Variants in FBXW8 observed in about 807,000 individuals in gnomAD.
FBXW8 encodes the protein F-box and WD repeat domain containing 8.
FBXW8 carries 57 observed loss-of-function variants against 65.3 expected under a neutral mutation model. The observed-to-expected ratio is 0.87, with a 90% CI of 0.71 to 1.09. The LOEUF is 1.09. Ranked by LOEUF, FBXW8 falls within the 50% of genes least tolerant of loss-of-function variation. The pLI, the probability that FBXW8 is intolerant of heterozygous loss-of-function variation, is 0.00. For missense variants in FBXW8, 777 were observed against 814.8 expected (o/e 0.95, Z 0.57); for synonymous variants, 308 against 330.2 (o/e 0.93, Z 0.73).
chr12:116,964,957 G>A (rs913256400), intron 5 of FBXW8, 103 bp downstream of exon 5: 7 of 1,178,014 alleles, frequency 5.9e-6, no homozygotes, highest in South Asian at 1.6e-5. Flanking sequence ...ATATGTACAC[G>A]TGGGCACACA....
chr12:116,938,612 T>G lies in FBXW8; in HGVS notation c.424-6752T>G, dbSNP rs74987119. Among the ~76,000 whole-genome samples, 678 of 152,332 alleles carry G rather than the reference T, an allele frequency of 4.5e-3. 6 individuals are homozygous for G. The highest frequency in any genetic ancestry group is 0.015 in the African/African-American group (638 of 41,578). ...CGACATATTTGAGACTTCCTGAAAGTCCCATTGAAAAGTTTCCATTTTAAA... is the reference window on the plus strand; with the variant it reads ...CGACATATTTGAGACTTCCTGAAAGGCCCATTGAAAAGTTTCCATTTTAAA... On this transcript the variant is annotated intron_variant, in intron 2 of 10. Transcript: ENST00000652555.
intron 5 of FBXW8, among the ~76,000 whole-genome samples, chr12:116,973,651 C>T (rs1884761647): frequency 6.6e-6 from 1 of 152,156 alleles, no homozygotes; most frequent in South Asian, 2.1e-4. Context: ...CTGGCCTGTC[C>T]TCTTCAGCAC....
intron 1 of FBXW8, among the ~76,000 whole-genome samples, chr12:116,926,150 G>C (rs1565899700): frequency 6.6e-6 from 1 of 152,186 alleles, no homozygotes; most frequent in Non-Finnish European, 1.5e-5. Flanking sequence ...TGCCTCATCA[G>C]AATAGCATCA....
intron 1 of FBXW8, among the ~76,000 whole-genome samples, chr12:116,918,986 A>G (rs1408916053): frequency 6.6e-6 from 1 of 152,166 alleles, no homozygotes; most frequent in Non-Finnish European, 1.5e-5. Context: ...CTATATACAC[A>G]GAGCAATGAT....
At chr12:116,931,958 T>G (rs899233017) in intron 2 of FBXW8, among the ~76,000 whole-genome samples, 1 of 152,204 alleles carries the variant, frequency 6.6e-6, no homozygotes, top group Non-Finnish European at 1.5e-5. Context: ...TTTTACTAAG[T>G]ATGACTTTAG....
At chr12:116,983,775 C>T (rs746106260) in intron 5 of FBXW8, among the ~76,000 whole-genome samples, 6 of 152,216 alleles carry the variant, frequency 3.9e-5, no homozygotes, top group Non-Finnish European at 8.8e-5. Flanking sequence ...TTTTATAACA[C>T]AGCAGGAACT....
rs1954313441 is a variant in FBXW8, at chr12:117,029,602, CCAGAAGGTTTTGTTTTTTTT to C, written c.*1434_*1453del. On this transcript the variant is annotated 3_prime_UTR_variant, in exon 11 of 11. Coordinates refer to ENST00000652555, the MANE Select transcript of FBXW8 (RefSeq NM_153348.3). ...AAACCAATAGTTAGTTAATATAAAGCCAGAAGGTTTTGTTTTTTTTCAGGTGGGGTCTCGCTCTGTCACCT... is the reference window on the plus strand; with the variant it reads ...AAACCAATAGTTAGTTAATATAAAGCCAGGTGGGGTCTCGCTCTGTCACCT... The C allele has an allele frequency of 6.6e-6, 1 of 151,974 alleles. No homozygotes were observed. The highest frequency in any genetic ancestry group is 6.6e-5 in the Admixed American group (1 of 15,256). 9.4% of individuals were successfully genotyped at this position (151,974 alleles called of 1,614,324 possible). A position where few individuals can be genotyped will look rare whatever the true frequency, so the allele number is the denominator to read the frequency against.
At chr12:117,024,090 T>C (rs1328068354) in intron 8 of FBXW8, 57 bp from the exon 9 acceptor site, 1 of 1,574,916 alleles carries the variant, frequency 6.3e-7, no homozygotes, top group Non-Finnish European at 8.6e-7. Flanking sequence ...GAGTTTGTCA[T>C]TTGAAGCTTT....
At chr12:116,940,955 G>A (rs1383399116) in intron 2 of FBXW8, among the ~76,000 whole-genome samples, 1 of 152,198 alleles carries the variant, frequency 6.6e-6, no homozygotes, top group African/African-American at 2.4e-5. Context: ...ATAGTGGAAG[G>A]AAATGGATAA....
At chr12:116,938,175 T>G (rs1882294296) in intron 2 of FBXW8, among the ~76,000 whole-genome samples, 1 of 152,210 alleles carries the variant, frequency 6.6e-6, no homozygotes, top group Non-Finnish European at 1.5e-5. Flanking sequence ...AAGTCATTTT[T>G]AAAACCTGTC....
At position 117,028,308 on chromosome 12, in the gene FBXW8, G is replaced by A. The variant is rs1015033261; in HGVS notation, c.*136G>A. ...CCCAGGGTGCCATGCCTGACAGCAC[G>A]CATCTCCCTGACCCCTGCACTTCCC... On this transcript the variant is annotated 3_prime_UTR_variant, in exon 11 of 11. Transcript: ENST00000652555. The surrounding 1 kb of genome is among the most constrained non-coding windows in gnomAD (Gnocchi z 4.1). 1.1e-5 allele frequency: 12 copies of A among 1,072,736 alleles called. No homozygotes were observed. Among genetic ancestry groups the A allele is most frequent in the African/African-American group, 6.4e-5 (4 of 62,460 alleles). 66.5% of individuals were successfully genotyped at this position (1,072,736 alleles called of 1,614,324 possible).
intron 8 of FBXW8, among the ~76,000 whole-genome samples, chr12:117,018,170 C>G (rs758374421): frequency 6.6e-6 from 1 of 152,046 alleles, no homozygotes; most frequent in Non-Finnish European, 1.5e-5. Flanking sequence ...GGTGGGCTAC[C>G]GCCGACTCCT....
At chr12:116,985,746 A>C in intron 6 of FBXW8, 1 of 200,650 alleles carries the variant, frequency 5.0e-6, no homozygotes, top group South Asian at 1.3e-4. Flanking sequence ...TTGGGAATCA[A>C]AGATCAGTTT....
intron 5 of FBXW8, among the ~76,000 whole-genome samples, chr12:116,982,683 T>G (rs1885399164): frequency 6.6e-6 from 1 of 151,584 alleles, no homozygotes; most frequent in South Asian, 2.1e-4. Flanking sequence ...CTACTCAACC[T>G]TGTGGTGAAG....
chr12:116,984,397 C>T (rs1391525457), intron 5 of FBXW8, among the ~76,000 whole-genome samples: 1 of 152,148 alleles, frequency 6.6e-6, no homozygotes, highest in Non-Finnish European at 1.5e-5. Context: ...TGGGTAGCAG[C>T]ATTCCAGGTG....
At chr12:117,022,101 G>A (rs886816581) in intron 8 of FBXW8, among the ~76,000 whole-genome samples, 1 of 152,186 alleles carries the variant, frequency 6.6e-6, no homozygotes, top group African/African-American at 2.4e-5. Context: ...TAGCCCTGGA[G>A]GCAGCTGGTC....
chr12:117,028,302 CAG>C lies in FBXW8; in HGVS notation c.*131_*132del. 9.0e-7 allele frequency: 1 copy of C among 1,116,330 alleles called. No individual in the cohort carries two copies. The highest frequency in any genetic ancestry group is 1.3e-6 in the Non-Finnish European group (1 of 786,552). The allele number at this position is 1,116,330 out of a possible 1,614,324, so 69.2% of individuals were successfully genotyped here. A position where few individuals can be genotyped will look rare whatever the true frequency, so the allele number is the denominator to read the frequency against. ...AAGCAGCCCAGGGTGCCATGCCTGA[CAG>C]CACGCATCTCCCTGACCCCTGCACT... On this transcript the variant is annotated 3_prime_UTR_variant, in exon 11 of 11. Transcript: ENST00000652555. The surrounding 1 kb of genome is among the most constrained non-coding windows in gnomAD (Gnocchi z 4.1).
chr12:116,911,378 C>T lies in FBXW8; in HGVS notation c.318+23C>T, dbSNP rs1351924351. On this transcript the variant is annotated intron_variant, in intron 1 of 10. Coordinates refer to ENST00000652555, the MANE Select transcript of FBXW8 (RefSeq NM_153348.3). Reference sequence around the variant, plus strand: ...CTGGTGAGTGGCCGTCGCCTCCCCCCCGCCCATGCCTGCGCCGGCCCCCGC... The same window carrying T: ...CTGGTGAGTGGCCGTCGCCTCCCCCTCGCCCATGCCTGCGCCGGCCCCCGC... 5.6e-6 allele frequency: 7 copies of T among 1,255,978 alleles called. No individual in the cohort carries two copies. In the South Asian group the frequency reaches 9.1e-5, roughly 16 times the overall value. 77.8% of individuals were successfully genotyped at this position (1,255,978 alleles called of 1,614,324 possible). A position where few individuals can be genotyped will look rare whatever the true frequency, so the allele number is the denominator to read the frequency against.
rs144334258 is a variant in FBXW8, at chr12:116,993,428, T to G, written c.1239+4559T>G. Among the ~76,000 whole-genome samples the G allele has an allele frequency of 3.1e-4, 47 of 152,288 alleles. 1 individual carries two copies. In the South Asian group the frequency reaches 3.5e-3, roughly 11 times the overall value. The stretch of plus-strand genomic sequence containing the variant: ...GTTTTTTGATTTTTTAATAATGGCC[T>G]TTCTGGCTGGATAAGGTGGTATCTT... On this transcript the variant is annotated intron_variant, in intron 7 of 10. Coordinates refer to ENST00000652555, the MANE Select transcript of FBXW8 (RefSeq NM_153348.3).
Sources: allele counts gnomAD v4.1 joint callset (sites outside exome capture counted in the v4.1 genomes callset), GRCh38; gene constraint gnomAD v4.1.1; non-coding constraint Gnocchi (gnomAD v3.1); transcripts MANE v1.5; gene names NCBI Gene and HGNC (gene_info 2026-07-23, HGNC 2026-07-21).